Variants in PBX1 observed in about 807,000 individuals in gnomAD.
PBX1 encodes the protein pre-B-cell leukemia transcription factor 1.
PBX1 carries 6 observed loss-of-function variants against 53.4 expected under a neutral mutation model. That is an observed-to-expected ratio of 0.11 (90% CI 0.06 to 0.22). PBX1 has a LOEUF of 0.22. Among genes scored for constraint, PBX1 ranks in the 10% least tolerant of loss-of-function variants. The pLI is 1.00. For synonymous variants in PBX1, 204 were observed against 212.3 expected (o/e 0.96, Z 0.34); for missense variants, 251 against 551.4 (o/e 0.46, Z 5.46).
At chr1:164,677,349 C>A (rs578261051) in intron 2 of PBX1, among the ~76,000 whole-genome samples, 218 of 151,912 alleles carry the variant, frequency 1.4e-3, no homozygotes, top group African/African-American at 5.1e-3. Flanking sequence ...GCCTCGGCCT[C>A]CCAAAGTGCT....
chr1:164,635,542 G>C (rs17386781), intron 2 of PBX1, among the ~76,000 whole-genome samples: 34,628 of 152,104 alleles, frequency 0.23, 4,407 homozygotes, highest in Middle Eastern at 0.39. Context: ...ACATTTATTC[G>C]TCTCTTGCCC....
chr1:164,608,889 C>A (rs531153592), intron 2 of PBX1, among the ~76,000 whole-genome samples: 1 of 152,140 alleles, frequency 6.6e-6, no homozygotes, highest in Non-Finnish European at 1.5e-5. Context: ...GCTCCCAATT[C>A]ATGATTCTTT....
chr1:164,621,787 A>G (rs186211677), intron 2 of PBX1, among the ~76,000 whole-genome samples: 95 of 152,340 alleles, frequency 6.2e-4, no homozygotes, highest in Middle Eastern at 3.4e-3. Context: ...TTCCAAGTGC[A>G]CAGAGGATGA....
intron 2 of PBX1, among the ~76,000 whole-genome samples, chr1:164,715,054 C>T (rs1664008062): frequency 1.3e-5 from 2 of 151,780 alleles, no homozygotes; most frequent in South Asian, 2.1e-4. Flanking sequence ...TGGGACTGTG[C>T]CATCCATCTC....
At chr1:164,699,431 G>A (rs1344768521) in intron 2 of PBX1, among the ~76,000 whole-genome samples, 1 of 151,942 alleles carries the variant, frequency 6.6e-6, no homozygotes, top group Non-Finnish European at 1.5e-5. Flanking sequence ...CAAAGATTGT[G>A]GATCCCCAAA....
chr1:164,786,517 A>C (rs1401625804), intron 2 of PBX1, among the ~76,000 whole-genome samples: 2 of 152,182 alleles, frequency 1.3e-5, no homozygotes, highest in African/African-American at 4.8e-5. Flanking sequence ...CACCCAATAC[A>C]GTGGCTCTAA....
intron 6 of PBX1, chr1:164,817,669 T>G (rs1296011730): frequency 1.3e-5 from 2 of 152,270 alleles, no homozygotes; most frequent in Non-Finnish European, 2.9e-5. Context: ...TTACAGTTTA[T>G]GCACATGTAT....
chr1:164,651,702 G>A (rs138376568), intron 2 of PBX1, among the ~76,000 whole-genome samples: 135 of 152,222 alleles, frequency 8.9e-4, no homozygotes, highest in African/African-American at 3.0e-3. Flanking sequence ...CCCACAAATG[G>A]GTGACTTTCC....
In PBX1 at chr1:164,850,490, GTGT is replaced by G. The variant is rs1386311964; in HGVS notation, c.*3816_*3818del. The G allele has an allele frequency of 5.1e-6, 1 of 196,676 alleles. No homozygotes were observed. The highest frequency in any genetic ancestry group is 1.0e-5 in the Non-Finnish European group (1 of 95,372). 12.2% of individuals were successfully genotyped at this position (196,676 alleles called of 1,614,324 possible). A position where few individuals can be genotyped will look rare whatever the true frequency, so the allele number is the denominator to read the frequency against. On this transcript the variant is annotated 3_prime_UTR_variant, in exon 9 of 9. Transcript: ENST00000420696. Reference sequence around the variant, plus strand: ...TACAAAAAAAAAAATGTTTTGTTTTGTGTTATTTTTGGTTTGTTTATTGGGGGG... The same window carrying G: ...TACAAAAAAAAAAATGTTTTGTTTTGTATTTTTGGTTTGTTTATTGGGGGG...
chr1:164,799,681 AT>A lies in PBX1; in HGVS notation c.511-16del, dbSNP rs1332589329. The A allele has an allele frequency of 6.2e-7, 1 of 1,602,884 alleles. No individual in the cohort carries two copies. Among genetic ancestry groups the A allele is most frequent in the South Asian group, 1.1e-5 (1 of 90,300 alleles). Reference sequence around the variant, plus strand: ...GCTTGGACCCTCAATGACGGTGTTGATTGTCCTGCCATTCCAGGCCTGCAAC... The same window carrying A: ...GCTTGGACCCTCAATGACGGTGTTGATGTCCTGCCATTCCAGGCCTGCAAC... On this transcript the variant is annotated splice_polypyrimidine_tract_variant and intron_variant, in intron 3 of 8. Transcript: ENST00000420696.
chr1:164,685,535 C>G (rs1392185630), intron 2 of PBX1, among the ~76,000 whole-genome samples: 1 of 152,186 alleles, frequency 6.6e-6, no homozygotes, highest in Non-Finnish European at 1.5e-5. Flanking sequence ...CCACCTCTTA[C>G]AGCCATGAAA....
chr1:164,802,705 T>C, intron 4 of PBX1, among the ~76,000 whole-genome samples: 1 of 152,158 alleles, frequency 6.6e-6, no homozygotes, highest in Non-Finnish European at 1.5e-5. Flanking sequence ...TCATTTCCTG[T>C]CTCTCTTCCT....
In PBX1 at chr1:164,596,712, G is replaced by A. The variant is rs76918568; in HGVS notation, c.265+33401G>A. Among the ~76,000 whole-genome samples the A allele has an allele frequency of 2.4e-3, 360 of 152,196 alleles. 2 individuals carry two copies. The highest frequency in any genetic ancestry group is 3.9e-3 in the Non-Finnish European group (264 of 68,014). On this transcript the variant is annotated intron_variant, in intron 2 of 8. Transcript: ENST00000420696. ...TTTAGACACAGCATTTAACTTTTCA[G>A]GTTCAGTTCCATATGTATAAAGTAG...
intron 8 of PBX1, among the ~76,000 whole-genome samples, chr1:164,837,123 C>G (rs17390433): frequency 0.046 from 7,050 of 152,114 alleles, 199 homozygotes; most frequent in East Asian, 0.073. Flanking sequence ...CAAAATTTAC[C>G]CCACGAGGGC....
intron 2 of PBX1, among the ~76,000 whole-genome samples, chr1:164,752,661 T>G (rs1666298678): frequency 6.6e-6 from 1 of 152,178 alleles, no homozygotes; most frequent in Non-Finnish European, 1.5e-5. Flanking sequence ...TAATCCAAGG[T>G]ATTTGCCAAT....
intron 2 of PBX1, among the ~76,000 whole-genome samples, chr1:164,731,432 G>T (rs1423012071): frequency 1.5e-4 from 23 of 151,944 alleles, no homozygotes; most frequent in Admixed American, 1.5e-3. Context: ...AATAAAGCCC[G>T]GGCAAACCCA....
At chr1:164,860,999 G>A (rs1012000155) in intron 2 of PBX1, among the ~76,000 whole-genome samples, 1 of 151,688 alleles carries the variant, frequency 6.6e-6, no homozygotes, top group African/African-American at 2.4e-5. Flanking sequence ...TGTAGGAGGA[G>A]GTGGAAAGGG....
intron 2 of PBX1, among the ~76,000 whole-genome samples, chr1:164,667,060 T>G (rs1660848553): frequency 6.6e-6 from 1 of 152,062 alleles, no homozygotes; most frequent in Non-Finnish European, 1.5e-5. Context: ...GTGTCTGTCT[T>G]AGGATGGTTC....
chr1:164,835,244 T>G (rs752170051), intron 8 of PBX1, among the ~76,000 whole-genome samples: 4 of 77,570 alleles, frequency 5.2e-5, no homozygotes, highest in Non-Finnish European at 1.1e-4. Context: ...TTTTGGTTTT[T>G]TTTTTTTTTT....
Sources: allele counts gnomAD v4.1 joint callset (sites outside exome capture counted in the v4.1 genomes callset), GRCh38; gene constraint gnomAD v4.1.1; transcripts MANE v1.5; gene names NCBI Gene and HGNC (gene_info 2026-07-23, HGNC 2026-07-21).